FAM193A: variants seen among roughly 807,000 people sequenced by gnomAD.
The protein encoded by FAM193A is family with sequence similarity 193 member A, also known as protein FAM193A.
In FAM193A, 22 loss-of-function variants were observed where a neutral mutation model predicts 126.5. That is an observed-to-expected ratio of 0.17 (90% confidence interval 0.12 to 0.25). The LOEUF (loss-of-function observed/expected upper bound fraction) is 0.25, where lower values mean the gene tolerates loss of function less well. Ranked by LOEUF, FAM193A falls within the 10% of genes least tolerant of loss-of-function variation. The probability of loss-of-function intolerance (pLI) is 1.00; values close to 1 mark genes in which losing one functional copy is unlikely to be tolerated. For synonymous variants in FAM193A, 761 were observed against 646.8 expected (o/e 1.18, Z -2.68); for missense variants, 1,675 against 1,672.8 (o/e 1.00, Z -0.02).
rs781477880 is a variant in FAM193A, at chr4:2,659,778, G to A, written c.1503-34G>A. On this transcript the variant is annotated intron_variant, in intron 9 of 20. Transcript: ENST00000637812. ...GAGCATGGTCTAGTCTTGTGCATTG[G>A]TTGGCTTGGTAACTGTCCTTAATTC... 31 of 1,614,052 alleles carry A rather than the reference G, an allele frequency of 1.9e-5. No homozygotes were observed. The South Asian group carries it at 3.2e-4, about 17-fold the overall frequency.
chr4:2,546,933 T>G (rs1043705039), intron 1 of FAM193A, among the ~76,000 whole-genome samples: 31 of 152,280 alleles, frequency 2.0e-4, no homozygotes, highest in African/African-American at 6.3e-4. Flanking sequence ...TCAGTGGTTT[T>G]TGTTTACACT....
intron 20 of FAM193A, among the ~76,000 whole-genome samples, chr4:2,724,425 A>G (rs1720504476): frequency 6.6e-6 from 1 of 152,054 alleles, no homozygotes; most frequent in Non-Finnish European, 1.5e-5. Context: ...ACTTTTTCTT[A>G]TGTATTTTAT....
intron 1 of FAM193A, among the ~76,000 whole-genome samples, chr4:2,592,688 C>G (rs996148650): frequency 4.6e-5 from 7 of 152,098 alleles, no homozygotes; most frequent in African/African-American, 1.7e-4. Flanking sequence ...ATTGAGGAGG[C>G]TGAGTTGAGA....
chr4:2,556,945 AT>A (rs992043882), intron 1 of FAM193A, among the ~76,000 whole-genome samples: 28 of 152,292 alleles, frequency 1.8e-4, no homozygotes, highest in African/African-American at 6.3e-4. Context: ...TTTTAGAATA[AT>A]TTTAGATTTA....
intron 20 of FAM193A, among the ~76,000 whole-genome samples, chr4:2,720,600 C>T (rs1720022530): frequency 6.7e-6 from 1 of 149,206 alleles, no homozygotes; most frequent in Non-Finnish European, 1.5e-5. Context: ...TACAGTGAGC[C>T]AAGATGCACC....
intron 1 of FAM193A, among the ~76,000 whole-genome samples, chr4:2,587,737 A>T (rs1203035998): frequency 6.6e-6 from 1 of 152,078 alleles, no homozygotes; most frequent in African/African-American, 2.4e-5. Flanking sequence ...GAAAAGAAAG[A>T]GCTGGGGTGG....
At chr4:2,695,878 C>T (rs554270726) in intron 17 of FAM193A, among the ~76,000 whole-genome samples, 11 of 152,108 alleles carry the variant, frequency 7.2e-5, no homozygotes, top group South Asian at 2.1e-4. Context: ...CCAGCTTGGG[C>T]GACACAGGAG....
At chr4:2,657,744 T>C in intron 7 of FAM193A, 59 bp from the exon 8 acceptor site, 1 of 1,076,834 alleles carries the variant, frequency 9.3e-7, no homozygotes, top group South Asian at 1.4e-5. Context: ...ATGTCTTGTA[T>C]AATTGTCGCA....
At chr4:2,633,201 C>G (rs1274554209) in intron 5 of FAM193A, among the ~76,000 whole-genome samples, 1 of 151,928 alleles carries the variant, frequency 6.6e-6, no homozygotes, top group African/African-American at 2.4e-5. Context: ...AGTTCAAGAC[C>G]AGCCTGGCCA....
chr4:2,547,101 T>C (rs1737609230), intron 1 of FAM193A, among the ~76,000 whole-genome samples: 1 of 152,122 alleles, frequency 6.6e-6, no homozygotes, highest in South Asian at 2.1e-4. Flanking sequence ...AAAACCCTTT[T>C]TGTGGGCTGG....
At chr4:2,586,318 T>C (rs567195719) in intron 1 of FAM193A, among the ~76,000 whole-genome samples, 1 of 152,166 alleles carries the variant, frequency 6.6e-6, no homozygotes, top group South Asian at 2.1e-4. Flanking sequence ...TTTGGTGTCT[T>C]GAAAATGTTT....
chr4:2,631,440 G>A (rs999840645), intron 5 of FAM193A, among the ~76,000 whole-genome samples: 4 of 152,168 alleles, frequency 2.6e-5, no homozygotes, highest in African/African-American at 9.7e-5. Flanking sequence ...AGGGAACGAG[G>A]CATGGGGGCA....
intron 1 of FAM193A, among the ~76,000 whole-genome samples, chr4:2,585,738 C>T (rs1740196682): frequency 6.6e-6 from 1 of 152,198 alleles, no homozygotes; most frequent in African/African-American, 2.4e-5. Context: ...ACGAGCCTGG[C>T]CAACATGGCA....
chr4:2,641,464 G>C (rs923402393), intron 6 of FAM193A, among the ~76,000 whole-genome samples: 1 of 151,636 alleles, frequency 6.6e-6, no homozygotes, highest in Admixed American at 6.6e-5. Context: ...GACCATCCTG[G>C]CTAACACGGT....
chr4:2,615,850 G>T (rs550663666), intron 2 of FAM193A, among the ~76,000 whole-genome samples: 1 of 150,252 alleles, frequency 6.7e-6, no homozygotes. Context: ...CTCAGTCTGT[G>T]CCCAGGCTGG....
At chr4:2,637,750 C>T (rs1744229871) in intron 5 of FAM193A, among the ~76,000 whole-genome samples, 2 of 152,302 alleles carry the variant, frequency 1.3e-5, no homozygotes, top group South Asian at 2.1e-4. Context: ...GCTGGTTCCA[C>T]GCCTGTCGAT....
At chr4:2,643,458 A>G (rs1744837971) in intron 6 of FAM193A, among the ~76,000 whole-genome samples, 1 of 152,174 alleles carries the variant, frequency 6.6e-6, no homozygotes, top group Non-Finnish European at 1.5e-5. Flanking sequence ...ACTAGTGTAT[A>G]TTTCAATAAC....
intron 1 of FAM193A, among the ~76,000 whole-genome samples, chr4:2,563,058 C>T (rs1484082974): frequency 1.3e-5 from 2 of 150,280 alleles, no homozygotes; most frequent in Admixed American, 6.6e-5. Context: ...GATTATCTTG[C>T]CTCAGCCTCC....
At chr4:2,567,358 ACTT>A (rs1739031656) in intron 1 of FAM193A, among the ~76,000 whole-genome samples, 1 of 152,110 alleles carries the variant, frequency 6.6e-6, no homozygotes, top group Non-Finnish European at 1.5e-5. Flanking sequence ...CCAATGATAT[ACTT>A]CTACTTCGCT....
Sources: allele counts gnomAD v4.1 joint callset (sites outside exome capture counted in the v4.1 genomes callset), GRCh38; gene constraint gnomAD v4.1.1; transcripts MANE v1.5; gene names NCBI Gene and HGNC (gene_info 2026-07-23, HGNC 2026-07-21).